The following MTUS2 variants were observed in gnomAD, a reference collection of about 807,000 sequenced individuals.
MTUS2 encodes the protein microtubule-associated tumor suppressor candidate 2.
A neutral mutation model predicts 114.1 loss-of-function variants in MTUS2; 40 were observed. The ratio of observed to expected loss-of-function variants is 0.35; its 90% CI spans 0.27 to 0.46. The LOEUF (loss-of-function observed/expected upper bound fraction) is 0.46. Ranked by LOEUF, MTUS2 falls within the 20% of genes least tolerant of loss-of-function variation. The pLI is 1.00. For missense variants in MTUS2, 1,679 were observed against 1,705.4 expected (o/e 0.98, Z 0.27); for synonymous variants, 688 against 672.0 (o/e 1.02, Z -0.37).
intron 5 of MTUS2, among the ~76,000 whole-genome samples, chr13:29,105,209 A>G (rs73166421): frequency 0.045 from 6,888 of 152,340 alleles, 213 homozygotes; most frequent in Non-Finnish European, 0.071. Flanking sequence ...TGGATAAGGG[A>G]TACTCAACCT....
rs940815842 is a variant in MTUS2 at position 29,382,894 on chromosome 13, T to A, written c.3117+23421T>A. 4.1e-4 allele frequency among the ~76,000 whole-genome samples: 62 copies of A among 150,946 alleles called. 1 individual carries two copies. Among genetic ancestry groups the A allele is most frequent in the African/African-American group, 1.5e-3 (60 of 41,038 alleles). Reference sequence around the variant, plus strand: ...GTGGAGAGGCTTCCTGAAAAAAAAATAGGCTCAAATGAGAGAAACCTGGCT... The same window carrying A: ...GTGGAGAGGCTTCCTGAAAAAAAAAAAGGCTCAAATGAGAGAAACCTGGCT... On this transcript the variant is annotated intron_variant, in intron 8 of 15. Transcript: ENST00000612955.
Position 29,265,750 on chromosome 13 carries a change from T to A in MTUS2, c.2645-15954T>A, listed in dbSNP as rs939050084. Among the ~76,000 whole-genome samples the A allele has an allele frequency of 3.9e-5, 6 of 152,106 alleles. No individual in the cohort carries two copies. In the East Asian group the frequency reaches 9.6e-4, roughly 24 times the overall value. On this transcript the variant is annotated intron_variant, in intron 5 of 15. Transcript: ENST00000612955. The stretch of plus-strand genomic sequence containing the variant: ...CAAGGAGGGGGTCTGCTACAAACTT[T>A]TACAAAACCAGGTTTCATGAGAACT...
chr13:29,042,789 A>G (rs546821915), intron 4 of MTUS2, among the ~76,000 whole-genome samples: 1 of 152,076 alleles, frequency 6.6e-6, no homozygotes, highest in South Asian at 2.1e-4. Context: ...GATCTTTTGT[A>G]TTTCTGTGGT....
rs371879182 is a variant in MTUS2 at position 29,105,614 on chromosome 13, A to C, written c.2644+4644A>C. 9.7e-3 allele frequency among the ~76,000 whole-genome samples: 1,416 copies of C among 145,482 alleles called. 21 individuals are homozygous for C. The highest frequency in any genetic ancestry group is 0.035 in the African/African-American group (1,347 of 38,614). On this transcript the variant is annotated intron_variant, in intron 5 of 15. Transcript: ENST00000612955. ...GAAATCATGGGGCAAAGAATTTAAA[A>C]AACAAGTAAAAAAAAAATTAGAAGT...
chr13:29,465,616 T>C (rs1372346203), intron 9 of MTUS2, among the ~76,000 whole-genome samples: 1 of 152,194 alleles, frequency 6.6e-6, no homozygotes, highest in African/African-American at 2.4e-5. Flanking sequence ...ATGCCTCATC[T>C]GGTCCCAACT....
At chr13:29,446,947 G>A (rs1271178335) in intron 9 of MTUS2, among the ~76,000 whole-genome samples, 1 of 152,096 alleles carries the variant, frequency 6.6e-6, no homozygotes, top group Non-Finnish European at 1.5e-5. Context: ...GTGTTACATT[G>A]TACATGTTGA....
chr13:29,433,285 T>C (rs1411801496), intron 8 of MTUS2, among the ~76,000 whole-genome samples: 1 of 152,248 alleles, frequency 6.6e-6, no homozygotes, highest in Non-Finnish European at 1.5e-5. Flanking sequence ...TTTTGATTTC[T>C]TCTAATACAC....
intron 8 of MTUS2, among the ~76,000 whole-genome samples, chr13:29,409,804 T>C (rs1875086319): frequency 6.6e-6 from 1 of 152,118 alleles, no homozygotes; most frequent in Non-Finnish European, 1.5e-5. Context: ...CGTCTTTTTT[T>C]TTTTTTTTAA....
At chr13:28,833,076 A>C (rs1874816491) in intron 1 of MTUS2, among the ~76,000 whole-genome samples, 1 of 152,148 alleles carries the variant, frequency 6.6e-6, no homozygotes, top group African/African-American at 2.4e-5. Context: ...ATTAGTAATC[A>C]AATATTTTTC....
At chr13:29,464,234 C>G (rs185215990) in intron 9 of MTUS2, among the ~76,000 whole-genome samples, 2 of 152,318 alleles carry the variant, frequency 1.3e-5, no homozygotes, top group South Asian at 2.1e-4. Context: ...CTCTGTGACT[C>G]TAAGAGATGT....
intron 5 of MTUS2, among the ~76,000 whole-genome samples, chr13:29,103,393 G>A (rs1451935794): frequency 7.2e-5 from 11 of 152,072 alleles, no homozygotes; most frequent in South Asian, 4.2e-4. Context: ...AAATACTGTC[G>A]GCAATTATAA....
chr13:28,891,987 C>T (rs1336189563), intron 2 of MTUS2, among the ~76,000 whole-genome samples: 5 of 152,036 alleles, frequency 3.3e-5, no homozygotes, highest in Admixed American at 2.6e-4. Context: ...TGCTATTTTC[C>T]CCGGGAAGCC....
intron 5 of MTUS2, among the ~76,000 whole-genome samples, chr13:29,269,819 G>A (rs374958809): frequency 5.3e-5 from 8 of 152,298 alleles, no homozygotes; most frequent in Middle Eastern, 3.4e-3. Context: ...ATCAACAGAT[G>A]AATGGATTGT....
intron 7 of MTUS2, among the ~76,000 whole-genome samples, chr13:29,325,869 T>G (rs182101816): frequency 6.1e-4 from 93 of 152,330 alleles, no homozygotes; most frequent in African/African-American, 2.1e-3. Context: ...AAGTCACAGG[T>G]GATAAGTAGT....
At chr13:29,231,999 G>T (rs1896342485) in intron 5 of MTUS2, among the ~76,000 whole-genome samples, 2 of 152,074 alleles carry the variant, frequency 1.3e-5, no homozygotes, top group African/African-American at 4.8e-5. Context: ...AAATAAAAGA[G>T]AAATAAAAGC....
At chr13:29,447,352 C>T (rs1292292868) in intron 9 of MTUS2, among the ~76,000 whole-genome samples, 1 of 152,022 alleles carries the variant, frequency 6.6e-6, no homozygotes, top group African/African-American at 2.4e-5. Context: ...GTTTCTAGAG[C>T]ATAAAGGGGG....
At chr13:29,307,607 C>T in intron 6 of MTUS2, 1 of 1,173,504 alleles carries the variant, frequency 8.5e-7, no homozygotes, top group Non-Finnish European at 1.3e-6. Flanking sequence ...CTGGGCTACA[C>T]TGAGTACCAG....
chr13:29,402,144 A>G (rs558428301), intron 8 of MTUS2, among the ~76,000 whole-genome samples: 3 of 151,750 alleles, frequency 2.0e-5, no homozygotes, highest in Non-Finnish European at 2.9e-5. Context: ...ACTCCATTCA[A>G]CTCTCTGTCT....
intron 5 of MTUS2, among the ~76,000 whole-genome samples, chr13:29,226,656 A>G (rs1896117768): frequency 8.1e-6 from 1 of 123,882 alleles, no homozygotes; most frequent in Non-Finnish European, 1.7e-5. Context: ...AAATGTGGAA[A>G]TAAATTCCTT....
Sources: allele counts gnomAD v4.1 joint callset (sites outside exome capture counted in the v4.1 genomes callset), GRCh38; gene constraint gnomAD v4.1.1; transcripts MANE v1.5; gene names NCBI Gene and HGNC (gene_info 2026-07-23, HGNC 2026-07-21).